The following CREB5 variants were observed in gnomAD, a reference collection of about 807,000 sequenced individuals.
CREB5 encodes the protein cyclic AMP-responsive element-binding protein 5.
Under a neutral mutation model 57.1 loss-of-function variants are expected in CREB5, and 19 were observed. The observed-to-expected ratio is 0.33, with a 90% CI of 0.23 to 0.49. The LOEUF (loss-of-function observed/expected upper bound fraction) is 0.49, where lower values mean the gene tolerates loss of function less well. Ranked by LOEUF, CREB5 falls within the 20% of genes least tolerant of loss-of-function variation. The pLI is 0.99. For synonymous variants in CREB5, 238 were observed against 238.3 expected (o/e 1.00, Z 0.01); for missense variants, 579 against 671.6 (o/e 0.86, Z 1.52).
intron 1 of CREB5, among the ~76,000 whole-genome samples, chr7:28,386,379 G>A (rs2215597): frequency 0.17 from 25,204 of 152,052 alleles, 2,197 homozygotes; most frequent in East Asian, 0.21. Flanking sequence ...TTTTGTTGCC[G>A]CTGTTGAGAA....
intron 1 of CREB5, among the ~76,000 whole-genome samples, chr7:28,421,656 G>T (rs890703464): frequency 6.6e-6 from 1 of 151,902 alleles, no homozygotes; most frequent in South Asian, 2.1e-4. Flanking sequence ...GGTGAGCCCT[G>T]TGTGTAGAAA....
intron 9 of CREB5, among the ~76,000 whole-genome samples, chr7:28,811,975 G>A (rs186198456): frequency 1.3e-5 from 2 of 152,258 alleles, no homozygotes; most frequent in East Asian, 1.9e-4. Flanking sequence ...ATTGACTTCC[G>A]GGCTTGATCA....
At chr7:28,802,462 C>T (rs769222115) in intron 7 of CREB5, among the ~76,000 whole-genome samples, 27 of 152,180 alleles carry the variant, frequency 1.8e-4, no homozygotes, top group Middle Eastern at 3.4e-3. Context: ...TAGCTTTGAT[C>T]GTCATTTAAA....
chr7:28,449,809 T>C (rs1166012565), intron 1 of CREB5, among the ~76,000 whole-genome samples: 1 of 152,222 alleles, frequency 6.6e-6, no homozygotes, highest in African/African-American at 2.4e-5. Context: ...CATTGGTTGC[T>C]TAAAATTGTT....
intron 5 of CREB5, among the ~76,000 whole-genome samples, chr7:28,665,735 C>T (rs1163648608): frequency 6.6e-6 from 1 of 151,992 alleles, no homozygotes; most frequent in Non-Finnish European, 1.5e-5. Context: ...TCTTGCAAAG[C>T]CATTATTCAA....
intron 5 of CREB5, among the ~76,000 whole-genome samples, chr7:28,683,378 A>T (rs1197807913): frequency 6.6e-6 from 1 of 152,156 alleles, no homozygotes; most frequent in Non-Finnish European, 1.5e-5. Flanking sequence ...GGGAATAGTT[A>T]TGTCCCGAAC....
rs1355243622 is a variant in CREB5, at chr7:28,820,456, T to G, written c.*1177T>G. On this transcript the variant is annotated 3_prime_UTR_variant, in exon 11 of 11. Transcript: ENST00000357727. Reference sequence around the variant, plus strand: ...AAGCCTATGGAACCGGCTTTGCTGTTCTGGGGGGTGAAAATAGACTAACTA... The same window carrying G: ...AAGCCTATGGAACCGGCTTTGCTGTGCTGGGGGGTGAAAATAGACTAACTA... The G allele has an allele frequency of 1.3e-5, 2 of 152,440 alleles. No individual in the cohort carries two copies. Among genetic ancestry groups the G allele is most frequent in the African/African-American group, 2.4e-5 (1 of 41,370 alleles). The allele number at this position is 152,440 out of a possible 1,614,324, so 9.4% of individuals were successfully genotyped here.
At chr7:28,755,797 T>C (rs570786828) in intron 7 of CREB5, among the ~76,000 whole-genome samples, 46 of 152,298 alleles carry the variant, frequency 3.0e-4, no homozygotes, top group African/African-American at 9.6e-4. Context: ...AAATGAATGC[T>C]GTGAACCAAG....
At chr7:28,757,065 TA>T (rs1293024527) in intron 7 of CREB5, among the ~76,000 whole-genome samples, 2 of 152,216 alleles carry the variant, frequency 1.3e-5, no homozygotes, top group African/African-American at 4.8e-5. Flanking sequence ...AGTTTTCAGT[TA>T]CTCACCCTAA....
At chr7:28,345,223 T>A (rs1020516679) in intron 1 of CREB5, among the ~76,000 whole-genome samples, 2 of 151,506 alleles carry the variant, frequency 1.3e-5, no homozygotes, top group Non-Finnish European at 2.9e-5. Flanking sequence ...TTCTCTAGTG[T>A]ACATGGAATA....
chr7:28,381,511 C>T lies in CREB5; in HGVS notation c.-25+82070C>T, dbSNP rs555220360. ...GATTTCTCATAGGGTTGGCATAGAT[C>T]ACTAGAAGAATCAGACAGAAAAAAG... On this transcript the variant is annotated intron_variant, in intron 1 of 9. Coordinates refer to the CREB5 transcript ENST00000396299. 4.6e-5 allele frequency among the ~76,000 whole-genome samples: 7 copies of T among 152,290 alleles called. No homozygotes were observed. In the East Asian group the frequency reaches 1.4e-3, roughly 29 times the overall value.
At chr7:28,376,449 T>C (rs1382239413) in intron 1 of CREB5, among the ~76,000 whole-genome samples, 1 of 152,008 alleles carries the variant, frequency 6.6e-6, no homozygotes, top group Non-Finnish European at 1.5e-5. Flanking sequence ...TTTGTATTTT[T>C]AGTAGAGACG....
Position 28,666,936 on chromosome 7 carries a change from GAA to G in CREB5, c.465-51804_465-51803del, listed in dbSNP as rs113572513. On this transcript the variant is annotated intron_variant, in intron 5 of 10. Transcript: ENST00000357727. ...ACAAAAGAGAGAGACCCTTTCTTAGGAAAAAAAAAAAAAACCTCAAAATGATT... is the reference window on the plus strand; with the variant it reads ...ACAAAAGAGAGAGACCCTTTCTTAGGAAAAAAAAAAAACCTCAAAATGATT... Among the ~76,000 whole-genome samples, 340 of 129,274 alleles carry G rather than the reference GAA, an allele frequency of 2.6e-3. 4 individuals are homozygous for G. The highest frequency in any genetic ancestry group is 9.1e-3 in the African/African-American group (326 of 35,902). The allele number at this position is 129,274 out of a possible 152,430, so 84.8% of individuals were successfully genotyped here.
At chr7:28,343,735 T>A (rs1785981038) in intron 1 of CREB5, among the ~76,000 whole-genome samples, 1 of 152,246 alleles carries the variant, frequency 6.6e-6, no homozygotes, top group Non-Finnish European at 1.5e-5. Context: ...TACCCAGTAG[T>A]GGGATTGCTG....
At chr7:28,350,863 A>G (rs1002667540) in intron 1 of CREB5, among the ~76,000 whole-genome samples, 3 of 152,154 alleles carry the variant, frequency 2.0e-5, no homozygotes, top group African/African-American at 7.2e-5. Flanking sequence ...CCTTCTGTAA[A>G]GTCAGCCTTA....
chr7:28,737,503 C>G (rs982907711), intron 7 of CREB5, among the ~76,000 whole-genome samples: 6 of 142,294 alleles, frequency 4.2e-5, no homozygotes, highest in South Asian at 2.2e-4. Flanking sequence ...CTCTCTCTCT[C>G]TCTGTGTGTG....
At position 28,329,373 on chromosome 7, in the gene CREB5, C is replaced by T. The variant is rs141849049; in HGVS notation, c.-25+29932C>T. Among the ~76,000 whole-genome samples the T allele has an allele frequency of 1.8e-3, 281 of 152,292 alleles. 1 individual carries two copies. Among genetic ancestry groups the T allele is most frequent in the Middle Eastern group, 3.4e-3 (1 of 294 alleles). On this transcript the variant is annotated intron_variant, in intron 1 of 9. Transcript: ENST00000396299. ...TGCATTTCCAGAAATTTCTAGAGTT[C>T]ATCCTCCTACTGGCCTTCCAGCTGC...
At chr7:28,394,016 A>G (rs1033953848) in intron 1 of CREB5, among the ~76,000 whole-genome samples, 10 of 133,522 alleles carry the variant, frequency 7.5e-5, no homozygotes, top group Non-Finnish European at 1.5e-4. Flanking sequence ...GGCTGCAGTG[A>G]GCTGACATCA....
At chr7:28,411,147 T>C (rs899673008), upstream of CREB5, among the ~76,000 whole-genome samples, 6 of 152,202 alleles carry the variant, frequency 3.9e-5, no homozygotes, top group African/African-American at 7.2e-5. Context: ...TTAGTCCTGA[T>C]AGAAAAGGCA....
Sources: gnomAD v4.1 joint callset for allele counts (sites outside exome capture counted in the v4.1 genomes callset) on GRCh38, gnomAD v4.1.1 for gene constraint, MANE v1.5 for transcripts, NCBI Gene and HGNC (gene_info 2026-07-23, HGNC 2026-07-21) for gene names.